Variants in DGKI observed in about 807,000 individuals in gnomAD.
The protein encoded by DGKI is DAG kinase iota.
DGKI carries 55 observed loss-of-function variants against 147.5 expected under a neutral mutation model. That is an observed-to-expected ratio of 0.37 (90% CI 0.30 to 0.47). The LOEUF (loss-of-function observed/expected upper bound fraction) is 0.47, where lower values mean the gene tolerates loss of function less well. Ranked by LOEUF, DGKI falls within the 20% of genes least tolerant of loss-of-function variation. DGKI has a pLI of 1.00. For missense variants in DGKI, 1,007 were observed against 1,323.8 expected (o/e 0.76, Z 3.71); for synonymous variants, 469 against 477.1 (o/e 0.98, Z 0.22).
chr7:137,399,450 A>C (rs547797629), intron 30 of DGKI, among the ~76,000 whole-genome samples: 1 of 152,338 alleles, frequency 6.6e-6, no homozygotes, highest in East Asian at 1.9e-4. Context: ...AGAGCAGCAC[A>C]GGACAGTGAC....
intron 6 of DGKI, among the ~76,000 whole-genome samples, chr7:137,638,580 A>ATG (rs1821474241): frequency 1.2e-5 from 1 of 86,258 alleles, no homozygotes; most frequent in African/African-American, 4.3e-5. Flanking sequence ...ATATATGTAT[A>ATG]TATACACATA....
intron 1 of DGKI, among the ~76,000 whole-genome samples, chr7:137,785,173 T>C (rs1350710156): frequency 6.6e-6 from 1 of 151,710 alleles, no homozygotes; most frequent in African/African-American, 2.4e-5. Context: ...ATACAAAAGA[T>C]AGATTAAACA....
chr7:137,395,673 A>T lies in DGKI; in HGVS notation c.2982T>A (p.Ala994=). The T allele has an allele frequency of 6.2e-7, 1 of 1,614,132 alleles. No homozygotes were observed. The highest frequency in any genetic ancestry group is 8.5e-7 in the Non-Finnish European group (1 of 1,179,976). The change falls in exon 32 of 33, where the codon GCT becomes GCA. Residue 994 remains alanine (A), a synonymous_variant. Coordinates refer to ENST00000614521, the MANE Select transcript of DGKI (RefSeq NM_001321708.2). ...ACACAGCCCGGTTCCGCTGGCAGGC[A>T]GCCTTGTGCAGTGCAGTCTCACCCC... ...SETGETALHK[A]ACQRNRAVCQ...
chr7:137,459,980 C>T (rs1177955688), intron 27 of DGKI, among the ~76,000 whole-genome samples: 4 of 152,194 alleles, frequency 2.6e-5, no homozygotes, highest in South Asian at 2.1e-4. Flanking sequence ...ATGAATACTA[C>T]GTTAGCAGTG....
chr7:137,578,246 T>A (rs1384647110), intron 16 of DGKI, 24 bp downstream of exon 16: 1 of 1,545,064 alleles, frequency 6.5e-7, no homozygotes, highest in Non-Finnish European at 8.9e-7. Context: ...TATGTAGTAA[T>A]TATGAAATAA....
At chr7:137,740,343 A>G (rs768843163) in intron 1 of DGKI, among the ~76,000 whole-genome samples, 1 of 152,188 alleles carries the variant, frequency 6.6e-6, no homozygotes, top group Non-Finnish European at 1.5e-5. Flanking sequence ...ACATGAGTTC[A>G]GATGTTTGGT....
chr7:137,638,649 T>C (rs1821500900), intron 6 of DGKI, among the ~76,000 whole-genome samples: 1 of 6,786 alleles, frequency 1.5e-4, no homozygotes, highest in African/African-American at 1.7e-3. Flanking sequence ...TATGTGTATG[T>C]ATATACACAC....
chr7:137,454,936 G>C (rs1412789409), intron 27 of DGKI: 2 of 152,040 alleles, frequency 1.3e-5, no homozygotes, highest in Non-Finnish European at 2.9e-5. Context: ...GGATTGTGAA[G>C]GCAAGTCACA....
Position 137,834,552 on chromosome 7 carries a change from C to T in DGKI, c.401+11910G>A, listed in dbSNP as rs548930789. Among the ~76,000 whole-genome samples, 53 of 152,248 alleles carry T rather than the reference C, an allele frequency of 3.5e-4. 1 individual carries two copies. The South Asian group carries it at 0.011, about 31-fold the overall frequency. ...TTGCCTTAAATGGAAGGGCAACTTACTGGAAATTAAAGACAAGCTTCCCAG... is the reference window on the plus strand; with the variant it reads ...TTGCCTTAAATGGAAGGGCAACTTATTGGAAATTAAAGACAAGCTTCCCAG... On this transcript the variant is annotated intron_variant, in intron 1 of 32. Transcript: ENST00000614521.
intron 29 of DGKI, 121 bp from the exon 30 acceptor site, chr7:137,408,116 G>T: frequency 8.2e-7 from 1 of 1,222,202 alleles, no homozygotes; most frequent in Non-Finnish European, 1.1e-6. Flanking sequence ...AGAGGACATA[G>T]AGAAAAGTCA....
intron 23 of DGKI, among the ~76,000 whole-genome samples, chr7:137,483,149 G>C (rs1011061453): frequency 6.6e-6 from 1 of 151,996 alleles, no homozygotes; most frequent in African/African-American, 2.4e-5. Context: ...TCCATCCGTT[G>C]ATCTCCATGA....
At chr7:137,769,219 A>C (rs968935277) in intron 1 of DGKI, among the ~76,000 whole-genome samples, 2 of 152,204 alleles carry the variant, frequency 1.3e-5, no homozygotes, top group Admixed American at 6.5e-5. Flanking sequence ...GACCCGGTAG[A>C]TGAACTCTGA....
chr7:137,451,159 G>A (rs1563026398), intron 27 of DGKI, among the ~76,000 whole-genome samples: 1 of 151,788 alleles, frequency 6.6e-6, no homozygotes, highest in Non-Finnish European at 1.5e-5. Context: ...ACAGATATCT[G>A]TGTTTGAGGC....
chr7:137,663,342 G>A (rs549030717), intron 3 of DGKI, among the ~76,000 whole-genome samples: 1 of 152,230 alleles, frequency 6.6e-6, no homozygotes, highest in African/African-American at 2.4e-5. Context: ...CTGTCACCTA[G>A]AGGAGGGCAA....
intron 1 of DGKI, among the ~76,000 whole-genome samples, chr7:137,751,755 A>T (rs1795495320): frequency 6.6e-6 from 1 of 152,212 alleles, no homozygotes; most frequent in Non-Finnish European, 1.5e-5. Flanking sequence ...CTATTGTAAC[A>T]CAAAAGCAAC....
intron 27 of DGKI, among the ~76,000 whole-genome samples, chr7:137,455,901 T>C (rs1466173395): frequency 6.6e-6 from 1 of 152,118 alleles, no homozygotes; most frequent in Non-Finnish European, 1.5e-5. Flanking sequence ...CAACTTGAGA[T>C]TTGCAAGCGA....
chr7:137,719,810 A>G (rs1037108499), intron 1 of DGKI, among the ~76,000 whole-genome samples: 2 of 152,126 alleles, frequency 1.3e-5, no homozygotes, highest in African/African-American at 4.8e-5. Context: ...TGCCAATAGT[A>G]AATTTTACCA....
intron 1 of DGKI, among the ~76,000 whole-genome samples, chr7:137,705,387 G>T (rs1397202632): frequency 1.3e-5 from 2 of 151,808 alleles, no homozygotes; most frequent in Non-Finnish European, 2.9e-5. Flanking sequence ...TACTACTCAG[G>T]AATAAAAAAG....
chr7:137,587,066 G>C (rs911465969), intron 13 of DGKI, 31 bp downstream of exon 13: 49 of 1,476,010 alleles, frequency 3.3e-5, no homozygotes, highest in Non-Finnish European at 4.2e-5. Flanking sequence ...GTTGTTTGAT[G>C]ATATGGGCAG....
Sources: gnomAD v4.1 joint callset for allele counts (sites outside exome capture counted in the v4.1 genomes callset) on GRCh38, gnomAD v4.1.1 for gene constraint, MANE v1.5 for transcripts, NCBI Gene and HGNC (gene_info 2026-07-23, HGNC 2026-07-21) for gene names.